Variants in CEP83 observed in about 807,000 individuals in gnomAD.
The protein encoded by CEP83 is centrosomal protein of 83 kDa.
Under a neutral mutation model 101.9 loss-of-function variants are expected in CEP83, and 70 were observed. The ratio of observed to expected loss-of-function variants is 0.69; its 90% CI spans 0.57 to 0.84. The LOEUF is 0.84. Ranked by LOEUF, CEP83 falls within the 40% of genes least tolerant of loss-of-function variation. CEP83 has a pLI of 0.00. For missense variants in CEP83, 715 were observed against 787.2 expected (o/e 0.91, Z 1.10); for synonymous variants, 264 against 267.9 (o/e 0.99, Z 0.14).
In CEP83 at chr12:94,415,508, TTC is replaced by T. The variant is rs1163496573; in HGVS notation, c.-101-2919_-101-2918del. On this transcript the variant is annotated intron_variant, in intron 2 of 16. Coordinates refer to ENST00000397809, the MANE Select transcript of CEP83 (RefSeq NM_016122.3). ...ACTGATACAACACTAAAATTTGATCTTCTCTTTTAAAACAAGATTTTCTTATT... is the reference window on the plus strand; with the variant it reads ...ACTGATACAACACTAAAATTTGATCTTCTTTTAAAACAAGATTTTCTTATT... 7.2e-5 allele frequency among the ~76,000 whole-genome samples: 11 copies of T among 152,218 alleles called. No homozygotes were observed. The East Asian group carries it at 2.1e-3, about 29-fold the overall frequency.
the CEP83 span, among the ~76,000 whole-genome samples, chr12:94,271,502 A>C: frequency 1.3e-5 from 2 of 152,216 alleles, no homozygotes; most frequent in Admixed American, 1.3e-4. Context: ...AGGGGAATGC[A>C]GTTACATGTT....
chr12:94,424,076 G>T, intron 2 of CEP83: 1 of 1,611,032 alleles, frequency 6.2e-7, no homozygotes. Flanking sequence ...TACTTGTAGA[G>T]GAGATGTCTG....
chr12:94,446,572 G>A (rs1030643830), intron 1 of CEP83, among the ~76,000 whole-genome samples: 2 of 152,058 alleles, frequency 1.3e-5, no homozygotes, highest in African/African-American at 4.8e-5. Flanking sequence ...GCCGGGTGTG[G>A]TGGTGCGCAC....
rs981945564 is a variant in CEP83, at chr12:94,354,022, A to G, written c.1343+13772T>C. 2.6e-5 allele frequency among the ~76,000 whole-genome samples: 4 copies of G among 152,202 alleles called. No individual in the cohort carries two copies. The South Asian group carries it at 6.2e-4, about 24-fold the overall frequency. On this transcript the variant is annotated intron_variant, in intron 11 of 16. Coordinates refer to ENST00000397809, the MANE Select transcript of CEP83 (RefSeq NM_016122.3). ...ATATAATTATTATCTAAGGGGAAAG[A>G]TAGACACCAATGCAATAATAGTAGA...
At chr12:94,281,582 A>C in the CEP83 span, among the ~76,000 whole-genome samples, 142 of 124,778 alleles carry the variant, frequency 1.1e-3, 1 homozygote, top group East Asian at 0.032. Flanking sequence ...ATGCAACTTA[A>C]AAACTTTTAA....
chr12:94,439,146 CCAG>C (rs1566210711), intron 1 of CEP83, among the ~76,000 whole-genome samples: 1 of 151,942 alleles, frequency 6.6e-6, no homozygotes, highest in Non-Finnish European at 1.5e-5. Context: ...AAACCAAAAC[CCAG>C]CAGAAGAAAA....
chr12:94,363,565 G>A (rs1319444022), intron 11 of CEP83, among the ~76,000 whole-genome samples: 2 of 152,162 alleles, frequency 1.3e-5, no homozygotes, highest in African/African-American at 4.8e-5. Context: ...ATTATTAATA[G>A]CTAAAATGTG....
intron 1 of CEP83, among the ~76,000 whole-genome samples, chr12:94,456,047 CA>C (rs56804581): frequency 0.41 from 52,420 of 128,138 alleles, 9,186 homozygotes; most frequent in Non-Finnish European, 0.42. Context: ...AACTCCATCT[CA>C]AAAAAAAAAA....
intron 7 of CEP83, among the ~76,000 whole-genome samples, chr12:94,376,694 C>T (rs866920901): frequency 0.046 from 4,634 of 100,700 alleles, 88 homozygotes; most frequent in Non-Finnish European, 0.057. Flanking sequence ...CATATATACA[C>T]ACACACACAC....
intron 2 of CEP83, among the ~76,000 whole-genome samples, chr12:94,415,962 A>T (rs1302752827): frequency 6.6e-6 from 1 of 152,102 alleles, no homozygotes. Context: ...TTTAAAAAAA[A>T]TTTCAAACAT....
At chr12:94,456,817 T>G (rs1021141652) in intron 1 of CEP83, among the ~76,000 whole-genome samples, 3 of 152,356 alleles carry the variant, frequency 2.0e-5, no homozygotes, top group South Asian at 4.1e-4. Flanking sequence ...ATCAGTCATC[T>G]TTAAGAAACA....
At chr12:94,331,267 G>A (rs2059188846) in intron 14 of CEP83, among the ~76,000 whole-genome samples, 1 of 122,520 alleles carries the variant, frequency 8.2e-6, no homozygotes, top group Non-Finnish European at 1.6e-5. Flanking sequence ...ATCCAACCTG[G>A]GTGATGGGAG....
intron 11 of CEP83, among the ~76,000 whole-genome samples, chr12:94,344,365 A>T (rs1328062528): frequency 6.6e-6 from 1 of 152,156 alleles, no homozygotes; most frequent in Non-Finnish European, 1.5e-5. Context: ...GAAAGAATAA[A>T]CTGTAGTAAA....
At chr12:94,406,704 G>A (rs943939783) in intron 4 of CEP83, among the ~76,000 whole-genome samples, 5 of 152,050 alleles carry the variant, frequency 3.3e-5, no homozygotes, top group Non-Finnish European at 4.4e-5. Context: ...GGCAGATCAC[G>A]AGCTCAGGAG....
the CEP83 span, among the ~76,000 whole-genome samples, chr12:94,287,191 T>C: frequency 6.6e-6 from 1 of 152,256 alleles, no homozygotes; most frequent in Non-Finnish European, 1.5e-5. Flanking sequence ...TTCTGTCCTG[T>C]GCAGACAAAG....
In CEP83 at chr12:94,367,165, G is replaced by C. The variant is rs375808369; in HGVS notation, c.1343+629C>G. On this transcript the variant is annotated intron_variant, in intron 11 of 16. Transcript: ENST00000397809. Reference sequence around the variant, plus strand: ...TCAATGGATACTAAAATTAATGGAAGATTATATAAAGGCAAAATATGAGAA... The same window carrying C: ...TCAATGGATACTAAAATTAATGGAACATTATATAAAGGCAAAATATGAGAA... 2.3e-3 allele frequency among the ~76,000 whole-genome samples: 351 copies of C among 151,570 alleles called. 2 individuals are homozygous for C. The highest frequency in any genetic ancestry group is 8.3e-3 in the African/African-American group (344 of 41,310).
chr12:94,328,752 A>G (rs2059080798), intron 14 of CEP83, among the ~76,000 whole-genome samples: 1 of 152,208 alleles, frequency 6.6e-6, no homozygotes, highest in Admixed American at 6.5e-5. Context: ...GAAAAGTTGT[A>G]AAGTATTTGG....
At chr12:94,402,341 G>A (rs769476467) in intron 5 of CEP83, 1 of 152,018 alleles carries the variant, frequency 6.6e-6, no homozygotes, top group South Asian at 2.1e-4. Flanking sequence ...CATTCTAGAG[G>A]TGGTAAAACA....
chr12:94,352,178 T>C (rs980937236), intron 11 of CEP83, among the ~76,000 whole-genome samples: 3 of 152,102 alleles, frequency 2.0e-5, no homozygotes, highest in South Asian at 4.1e-4. Context: ...TCCAGCACTT[T>C]GGGAGGCCAA....
Sources: gnomAD v4.1 joint callset for allele counts (sites outside exome capture counted in the v4.1 genomes callset) on GRCh38, gnomAD v4.1.1 for gene constraint, MANE v1.5 for transcripts, NCBI Gene and HGNC (gene_info 2026-07-23, HGNC 2026-07-21) for gene names.